The following DNM3 variants were observed in gnomAD, a reference collection of about 807,000 sequenced individuals.
DNM3 encodes the protein dynamin 3.
In DNM3, 47 loss-of-function variants were observed where a neutral mutation model predicts 101.6. The observed-to-expected ratio is 0.46, with a 90% CI of 0.37 to 0.59. The LOEUF is 0.59. DNM3 is among the 20% of genes least tolerant of loss of function. The pLI is 0.00. For missense variants in DNM3, 849 were observed against 1,085.7 expected (o/e 0.78, Z 3.06); for synonymous variants, 385 against 387.9 (o/e 0.99, Z 0.09).
intron 5 of DNM3, 141 bp downstream of exon 5, chr1:172,032,641 G>A: frequency 2.1e-6 from 1 of 482,214 alleles, no homozygotes; most frequent in South Asian, 4.8e-5. Context: ...TTTATTATTA[G>A]TTATACTTTT....
chr1:171,943,331 G>A (rs2041943023), intron 2 of DNM3, among the ~76,000 whole-genome samples: 2 of 152,082 alleles, frequency 1.3e-5, no homozygotes, highest in Admixed American at 1.3e-4. Flanking sequence ...GTTAACCTGA[G>A]AAACTAGTTC....
At chr1:171,975,059 ATT>A (rs1462720962) in intron 2 of DNM3, among the ~76,000 whole-genome samples, 1 of 151,856 alleles carries the variant, frequency 6.6e-6, no homozygotes, top group African/African-American at 2.4e-5. Flanking sequence ...GTCTTGCTAT[ATT>A]GCCCATGCTG....
chr1:172,337,902 TTTTA>T (rs2066513972), intron 17 of DNM3, among the ~76,000 whole-genome samples: 2 of 141,134 alleles, frequency 1.4e-5, no homozygotes, highest in African/African-American at 2.6e-5. Context: ...TTTTATTTTA[TTTTA>T]TTTTATTTTA....
Position 172,412,000 on chromosome 1 carries a change from TAAG to T in DNM3, c.*4162_*4164del, listed in dbSNP as rs1473948621. 4.1e-6 allele frequency: 4 copies of T among 985,646 alleles called. No individual in the cohort carries two copies. In the African/African-American group the frequency reaches 7.0e-5, roughly 17 times the overall value. 61.1% of individuals were successfully genotyped at this position (985,646 alleles called of 1,614,324 possible). On this transcript the variant is annotated 3_prime_UTR_variant, in exon 21 of 21. Transcript: ENST00000627582. ...ATGTGGTGCTGTGTAGGTGAAACTT[TAAG>T]AATATTTTTGAAGCATATGTAATAT...
intron 1 of DNM3, among the ~76,000 whole-genome samples, chr1:171,890,984 A>G (rs2037221161): frequency 6.6e-6 from 1 of 152,164 alleles, no homozygotes; most frequent in Non-Finnish European, 1.5e-5. Context: ...ATAGTTTCTA[A>G]AAGTCACTCC....
At chr1:172,264,123 T>C (rs779519902) in intron 15 of DNM3, among the ~76,000 whole-genome samples, 2 of 152,204 alleles carry the variant, frequency 1.3e-5, no homozygotes, top group African/African-American at 2.4e-5. Flanking sequence ...CATGAATTGA[T>C]GTAGAGGACA....
chr1:172,053,376 C>T (rs1030922411), intron 10 of DNM3, among the ~76,000 whole-genome samples: 72 of 152,238 alleles, frequency 4.7e-4, no homozygotes, highest in African/African-American at 1.6e-3. Context: ...TTAAAATCTT[C>T]CTAAAGGGCC....
At chr1:171,957,321 C>G (rs1483307729) in intron 2 of DNM3, among the ~76,000 whole-genome samples, 1 of 151,860 alleles carries the variant, frequency 6.6e-6, no homozygotes, top group African/African-American at 2.4e-5. Flanking sequence ...CTTCAGCCTC[C>G]TGAGTAGCTG....
intron 2 of DNM3, among the ~76,000 whole-genome samples, chr1:171,967,169 A>C (rs1306934974): frequency 6.6e-6 from 1 of 152,108 alleles, no homozygotes; most frequent in Non-Finnish European, 1.5e-5. Context: ...GTAAAAAATC[A>C]GTTCTGAGTC....
chr1:172,374,567 A>G (rs959269847), intron 17 of DNM3, among the ~76,000 whole-genome samples: 9 of 152,068 alleles, frequency 5.9e-5, no homozygotes, highest in African/African-American at 2.2e-4. Flanking sequence ...AGAAGTTTTT[A>G]CATGTAAAGC....
chr1:172,090,364 A>G (rs1235174129), intron 12 of DNM3, among the ~76,000 whole-genome samples: 1 of 152,172 alleles, frequency 6.6e-6, no homozygotes, highest in Non-Finnish European at 1.5e-5. Context: ...AGCCCTTAGG[A>G]GAGTGCTACT....
At chr1:172,098,184 G>A (rs941745113) in intron 13 of DNM3, among the ~76,000 whole-genome samples, 8 of 152,100 alleles carry the variant, frequency 5.3e-5, no homozygotes, top group East Asian at 1.9e-4. Flanking sequence ...GGAGCGATAC[G>A]GGAGACTAGG....
intron 13 of DNM3, among the ~76,000 whole-genome samples, chr1:172,108,089 G>A (rs1466249366): frequency 2.0e-5 from 3 of 151,838 alleles, no homozygotes; most frequent in Non-Finnish European, 2.9e-5. Context: ...AAATGCCAGG[G>A]CATATCAGGA....
chr1:172,120,004 A>G (rs557892229), intron 13 of DNM3, among the ~76,000 whole-genome samples: 4 of 152,260 alleles, frequency 2.6e-5, no homozygotes, highest in African/African-American at 9.6e-5. Context: ...GCAATAGTCA[A>G]CTATCAATCA....
chr1:172,343,850 A>G (rs2066806537), intron 17 of DNM3, among the ~76,000 whole-genome samples: 1 of 152,224 alleles, frequency 6.6e-6, no homozygotes, highest in African/African-American at 2.4e-5. Context: ...GAACGGCTCA[A>G]CCAAACAGAT....
At chr1:172,313,510 T>C (rs773104665) in intron 16 of DNM3, among the ~76,000 whole-genome samples, 1 of 152,216 alleles carries the variant, frequency 6.6e-6, no homozygotes, top group Non-Finnish European at 1.5e-5. Context: ...GAATTCTGAA[T>C]TTAAATTCCT....
At chr1:172,187,019 T>A (rs537919871) in intron 14 of DNM3, among the ~76,000 whole-genome samples, 1 of 152,136 alleles carries the variant, frequency 6.6e-6, no homozygotes, top group Non-Finnish European at 1.5e-5. Flanking sequence ...GAAATATCTT[T>A]GCACATGATT....
intron 15 of DNM3, among the ~76,000 whole-genome samples, chr1:172,277,468 G>A (rs1259661354): frequency 6.6e-6 from 1 of 152,030 alleles, no homozygotes; most frequent in African/African-American, 2.4e-5. Context: ...TCTGATCAAA[G>A]GCAGTGAGTG....
intron 1 of DNM3, among the ~76,000 whole-genome samples, chr1:171,859,464 G>T (rs1490716431): frequency 6.6e-6 from 1 of 152,058 alleles, no homozygotes; most frequent in Admixed American, 6.6e-5. Flanking sequence ...TTCACTTCTA[G>T]CATATGGTAA....
Sources: gnomAD v4.1 joint callset for allele counts (sites outside exome capture counted in the v4.1 genomes callset) on GRCh38, gnomAD v4.1.1 for gene constraint, MANE v1.5 for transcripts, NCBI Gene and HGNC (gene_info 2026-07-23, HGNC 2026-07-21) for gene names.